The following POR variants were observed in gnomAD, a reference collection of about 807,000 sequenced individuals.
POR encodes the protein cytochrome p450 oxidoreductase, also known as NADPH--cytochrome P450 reductase.
Under a neutral mutation model 84.0 loss-of-function variants are expected in POR, and 56 were observed. The observed-to-expected ratio is 0.67, with a 90% CI of 0.54 to 0.83. POR has a LOEUF of 0.83. Ranked by LOEUF, POR falls within the 40% of genes least tolerant of loss-of-function variation. The probability of loss-of-function intolerance (pLI) is 0.00; values close to 1 mark genes in which losing one functional copy is unlikely to be tolerated. For synonymous variants in POR, 414 were observed against 400.5 expected (o/e 1.03, Z -0.40); for missense variants, 938 against 944.3 (o/e 0.99, Z 0.09).
intron 1 of POR, among the ~76,000 whole-genome samples, chr7:75,919,594 G>C (rs1554548554): frequency 6.6e-6 from 1 of 151,998 alleles, no homozygotes; most frequent in Non-Finnish European, 1.5e-5. Flanking sequence ...GTCTGGCTAT[G>C]TTGCCCAGGC....
chr7:75,975,058 TAC>T (rs782119261), intron 3 of POR, among the ~76,000 whole-genome samples: 1 of 152,242 alleles, frequency 6.6e-6, no homozygotes, highest in Non-Finnish European at 1.5e-5. Flanking sequence ...GTGTAAAAGT[TAC>T]AGAGTCACCT....
rs41295387 is a variant in POR, at chr7:75,955,949, T to A, written c.188+1769T>A. Reference sequence around the variant, plus strand: ...CAGCCTTCACACCGTAAAGCAGATATTCACACAACACAGTTCTTATACCAT... The same window carrying A: ...CAGCCTTCACACCGTAAAGCAGATAATCACACAACACAGTTCTTATACCAT... On this transcript the variant is annotated intron_variant, in intron 2 of 15. Transcript: ENST00000461988. 6.0e-3 allele frequency among the ~76,000 whole-genome samples: 911 copies of A among 152,310 alleles called. 11 individuals carry two copies. The highest frequency in any genetic ancestry group is 0.021 in the African/African-American group (865 of 41,560).
intron 1 of POR, among the ~76,000 whole-genome samples, chr7:75,919,382 C>CGTGCGTGCGTGTGTGTGTGTGT (rs147421179): frequency 2.7e-5 from 4 of 146,432 alleles, no homozygotes; most frequent in African/African-American, 1.0e-4. Flanking sequence ...TCTGTGCGTG[C>CGTGCGTGCGTGTGTGTGTGTGT]GTGTGTGTGT....
intron 1 of POR, among the ~76,000 whole-genome samples, chr7:75,953,001 C>T (rs1178859140): frequency 6.6e-6 from 1 of 152,164 alleles, no homozygotes; most frequent in African/African-American, 2.4e-5. Flanking sequence ...GAGCCGAGAT[C>T]AAGCCACTGC....
intron 10 of POR, 65 bp downstream of exon 10, chr7:75,983,921 G>T: frequency 7.6e-7 from 1 of 1,315,788 alleles, no homozygotes; most frequent in Admixed American, 2.3e-5. Context: ...CTGTAGGAAG[G>T]CCCTGGGTTG....
At chr7:75,965,899 T>A (rs1788158724) in intron 2 of POR, among the ~76,000 whole-genome samples, 2 of 152,162 alleles carry the variant, frequency 1.3e-5, no homozygotes, top group South Asian at 4.1e-4. Flanking sequence ...GGCTGTGAGA[T>A]GTGCTGCCTG....
Position 75,985,226 on chromosome 7 carries a change from C to T in POR, c.1398+19C>T, listed in dbSNP as rs1217516312. ...CTCCAAGGTGAGGGCCGGCACTGCC[C>T]TGCCAGCCACACGCTGGAGGCCCAG... On this transcript the variant is annotated intron_variant, in intron 12 of 15. Transcript: ENST00000461988. 3.2e-6 allele frequency: 5 copies of T among 1,572,624 alleles called. No homozygotes were observed. The African/African-American group carries it at 4.0e-5, about 13-fold the overall frequency.
chr7:75,956,108 G>A (rs1338366869), intron 2 of POR, among the ~76,000 whole-genome samples: 1 of 152,176 alleles, frequency 6.6e-6, no homozygotes, highest in Non-Finnish European at 1.5e-5. Context: ...AGACCAGCCT[G>A]GCCAACATGG....
At chr7:75,975,167 T>TC (rs1387897586) in intron 3 of POR, among the ~76,000 whole-genome samples, 3 of 151,980 alleles carry the variant, frequency 2.0e-5, no homozygotes, top group Non-Finnish European at 2.9e-5. Flanking sequence ...ATTTTTTTTT[T>TC]CTAGTACTTT....
intron 2 of POR, among the ~76,000 whole-genome samples, chr7:75,970,514 A>T (rs1233193986): frequency 6.6e-6 from 1 of 151,790 alleles, no homozygotes; most frequent in African/African-American, 2.4e-5. Context: ...CGGGCTAATT[A>T]AAAAAAATTT....
At chr7:75,972,828 C>CT (rs1216099396) in intron 3 of POR, 9,404 of 257,910 alleles carry the variant, frequency 0.036, 5 homozygotes, top group South Asian at 0.072. Context: ...GTTTTTGTTA[C>CT]TTTTTTTTTT....
At chr7:75,939,312 G>A (rs1554551217) in intron 1 of POR, among the ~76,000 whole-genome samples, 1 of 152,226 alleles carries the variant, frequency 6.6e-6, no homozygotes, top group Non-Finnish European at 1.5e-5. Context: ...GCACTCCCTG[G>A]CATCCTTAGT....
intron 3 of POR, among the ~76,000 whole-genome samples, chr7:75,976,673 G>C (rs554922983): frequency 6.6e-6 from 1 of 151,726 alleles, no homozygotes; most frequent in East Asian, 1.9e-4. Context: ...CTTGAACCCA[G>C]GAGGCAGAGG....
intron 1 of POR, among the ~76,000 whole-genome samples, chr7:75,937,815 G>A (rs982006192): frequency 3.9e-5 from 6 of 152,162 alleles, no homozygotes; most frequent in African/African-American, 1.4e-4. Context: ...AAGTGGGGAT[G>A]GTCAGGAGGA....
At chr7:75,985,356 GT>G in intron 12 of POR, 149 bp downstream of exon 12, 2 of 1,193,578 alleles carry the variant, frequency 1.7e-6, no homozygotes, top group South Asian at 3.3e-5. Flanking sequence ...TCCCCAGGCT[GT>G]GGACTCAGTC....
intron 3 of POR, among the ~76,000 whole-genome samples, chr7:75,973,365 G>A (rs562075987): frequency 6.6e-6 from 1 of 152,136 alleles, no homozygotes; most frequent in African/African-American, 2.4e-5. Context: ...CCAGGCTGGA[G>A]TGCAGCGGCG....
rs181534895 is a variant in POR, at chr7:75,953,441, C to T, written c.-4-548C>T. Among the ~76,000 whole-genome samples the T allele has an allele frequency of 2.6e-3, 397 of 152,078 alleles. 1 individual carries two copies. Among genetic ancestry groups the T allele is most frequent in the Non-Finnish European group, 4.6e-3 (312 of 67,994 alleles). On this transcript the variant is annotated intron_variant, in intron 1 of 15. Coordinates refer to ENST00000461988, the MANE Select transcript of POR (RefSeq NM_000941.3). ...TGTTAACAGGAACTACCTTCATAGCCCAAGGTTTTAGGAATACAGAGACAC... is the reference window on the plus strand; with the variant it reads ...TGTTAACAGGAACTACCTTCATAGCTCAAGGTTTTAGGAATACAGAGACAC...
At chr7:75,943,062 C>T (rs915534507) in intron 1 of POR, among the ~76,000 whole-genome samples, 2 of 151,546 alleles carry the variant, frequency 1.3e-5, no homozygotes, top group Non-Finnish European at 2.9e-5. Context: ...AGTGTTTCTT[C>T]TGCCTCAGCC....
intron 6 of POR, 47 bp downstream of exon 6, chr7:75,981,219 G>A: frequency 1.3e-6 from 2 of 1,490,018 alleles, no homozygotes; most frequent in African/African-American, 2.8e-5. Flanking sequence ...GGCTTAGGCA[G>A]GGGCCGTGGA....
Sources: gnomAD v4.1 joint callset for allele counts (sites outside exome capture counted in the v4.1 genomes callset) on GRCh38, gnomAD v4.1.1 for gene constraint, MANE v1.5 for transcripts, NCBI Gene and HGNC (gene_info 2026-07-23, HGNC 2026-07-21) for gene names.